RFTN1: variants seen among roughly 807,000 people sequenced by gnomAD.
The protein encoded by RFTN1 is raftlin, lipid raft linker 1.
RFTN1 carries 26 observed loss-of-function variants against 46.5 expected under a neutral mutation model. The ratio of observed to expected loss-of-function variants is 0.56; its 90% confidence interval spans 0.41 to 0.78. The LOEUF is 0.78. RFTN1 is among the 30% of genes least tolerant of loss of function. The pLI is 0.00. For synonymous variants in RFTN1, 261 were observed against 284.2 expected, an observed-to-expected ratio of 0.92 and a Z score of 0.82; for missense variants, 693 against 718.7, an observed-to-expected ratio of 0.96 and a Z score of 0.41.
intron 1 of RFTN1, among the ~76,000 whole-genome samples, chr3:16,508,510 A>G (rs1327065627): frequency 1.3e-5 from 2 of 152,222 alleles, no homozygotes; most frequent in African/African-American, 4.8e-5. Context: ...TCTTATTTGG[A>G]GAGCAAGGAA....
At chr3:16,396,419 C>T (rs982592255) in intron 4 of RFTN1, among the ~76,000 whole-genome samples, 1 of 152,192 alleles carries the variant, frequency 6.6e-6, no homozygotes, top group Non-Finnish European at 1.5e-5. Flanking sequence ...ATCCAGACAG[C>T]ACAGCAAATT....
intron 3 of RFTN1, among the ~76,000 whole-genome samples, chr3:16,432,243 C>A (rs73144385): frequency 6.6e-6 from 1 of 152,064 alleles, no homozygotes; most frequent in African/African-American, 2.4e-5. Flanking sequence ...ATGGACTGGG[C>A]GTGGTGGCTC....
At chr3:16,438,982 AC>A (rs950153890) in intron 2 of RFTN1, among the ~76,000 whole-genome samples, 24 of 152,346 alleles carry the variant, frequency 1.6e-4, no homozygotes, top group East Asian at 7.7e-4. Flanking sequence ...CCTGAAAAAA[AC>A]ATAATACCTT....
chr3:16,401,858 A>T (rs1420040384), intron 4 of RFTN1, among the ~76,000 whole-genome samples: 1 of 152,230 alleles, frequency 6.6e-6, no homozygotes, highest in African/African-American at 2.4e-5. Flanking sequence ...TTTTGGGTCC[A>T]TATTTCCACC....
Position 16,400,255 on chromosome 3 carries a change from A to G in RFTN1, c.441+9120T>C, listed in dbSNP as rs2074568995. On this transcript the variant is annotated intron_variant, in intron 4 of 9. Coordinates refer to ENST00000334133, the MANE Select transcript of RFTN1 (RefSeq NM_015150.2). The surrounding 1 kb of genome is among the most constrained non-coding windows in gnomAD (Gnocchi z 4.5). Reference sequence around the variant, plus strand: ...AACTCCCTTCTGCTCCTCAAACCAAACTTACTCCCTCCCACCTTGGCTTTG... The same window carrying G: ...AACTCCCTTCTGCTCCTCAAACCAAGCTTACTCCCTCCCACCTTGGCTTTG... 6.6e-6 allele frequency among the ~76,000 whole-genome samples: 1 copy of G among 151,892 alleles called. No individual in the cohort carries two copies. Among genetic ancestry groups the G allele is most frequent in the East Asian group, 1.9e-4 (1 of 5,196 alleles).
At chr3:16,420,766 C>CTA (rs1160351396) in intron 3 of RFTN1, among the ~76,000 whole-genome samples, 1 of 152,208 alleles carries the variant, frequency 6.6e-6, no homozygotes, top group Non-Finnish European at 1.5e-5. Context: ...ATTTAAATGG[C>CTA]TATACATGGC....
chr3:16,408,422 G>A (rs542887849), intron 4 of RFTN1, among the ~76,000 whole-genome samples: 18 of 152,116 alleles, frequency 1.2e-4, no homozygotes, highest in Middle Eastern at 6.8e-3. Context: ...CTAATTGGCT[G>A]ATTGGACCTC....
intron 6 of RFTN1, among the ~76,000 whole-genome samples, chr3:16,358,813 A>C (rs1446432405): frequency 6.6e-6 from 1 of 151,996 alleles, no homozygotes; most frequent in Admixed American, 6.6e-5. Context: ...AGGAGGATTC[A>C]CTGAGCTCAG....
intron 2 of RFTN1, among the ~76,000 whole-genome samples, chr3:16,477,917 A>C (rs1435144325): frequency 6.6e-6 from 1 of 152,276 alleles, no homozygotes; most frequent in Non-Finnish European, 1.5e-5. Flanking sequence ...TCTGCTCAAC[A>C]GGCCCATGGC....
chr3:16,500,067 A>C lies in RFTN1; in HGVS notation c.-8-6190T>G, dbSNP rs543516033. ...CTGAGGCATCAGCCCACTAGGTGGA[A>C]TCATGCCCAGCGGTGCTATTCACTG... On this transcript the variant is annotated intron_variant, in intron 1 of 9. Transcript: ENST00000334133. The surrounding 1 kb of genome is among the most constrained non-coding windows in gnomAD (Gnocchi z 5.9). Among the ~76,000 whole-genome samples, 4 of 152,328 alleles carry C rather than the reference A, an allele frequency of 2.6e-5. No homozygotes were observed. The highest frequency in any genetic ancestry group is 9.6e-5 in the African/African-American group (4 of 41,572).
chr3:16,339,186 A>T (rs890730676), intron 7 of RFTN1: 4 of 152,240 alleles, frequency 2.6e-5, no homozygotes, highest in Non-Finnish European at 5.9e-5. Flanking sequence ...AAGGTGCCAC[A>T]TTCTCAAGCC....
In RFTN1 at chr3:16,336,252, TCA is replaced by T. The variant is rs1291359967; in HGVS notation, c.1147-9378_1147-9377del. ...TGGTATCACTGTTCATTCATGAATC[TCA>T]CATTCAGTCAGCCTGGCTCTGTCTG... On this transcript the variant is annotated intron_variant, in intron 7 of 9. Coordinates refer to ENST00000334133, the MANE Select transcript of RFTN1 (RefSeq NM_015150.2). This position sits in a 1 kb window ranked among gnomAD's most constrained non-coding sequence, Gnocchi z 6.0. Among the ~76,000 whole-genome samples, 1 of 152,260 alleles carries T rather than the reference TCA, an allele frequency of 6.6e-6. No homozygotes were observed. The highest frequency in any genetic ancestry group is 1.5e-5 in the Non-Finnish European group (1 of 68,046).
intron 2 of RFTN1, among the ~76,000 whole-genome samples, chr3:16,488,704 G>A (rs1324558011): frequency 6.6e-6 from 1 of 152,180 alleles, no homozygotes; most frequent in Non-Finnish European, 1.5e-5. Flanking sequence ...CAAGATTCTA[G>A]AATTCTATAT....
rs953609404 is a variant in RFTN1, at chr3:16,475,437, G to C, written c.145+18288C>G. Among the ~76,000 whole-genome samples, 3 of 152,200 alleles carry C rather than the reference G, an allele frequency of 2.0e-5. No individual in the cohort carries two copies. The highest frequency in any genetic ancestry group is 4.4e-5 in the Non-Finnish European group (3 of 68,038). On this transcript the variant is annotated intron_variant, in intron 2 of 9. Transcript: ENST00000334133. The surrounding 1 kb of genome is among the most constrained non-coding windows in gnomAD (Gnocchi z 4.2). The stretch of plus-strand genomic sequence containing the variant: ...ACACTGCAATGGTTTTACTGAACTA[G>C]AAGTTGAGATTGCCCCTTGGCTATT...
chr3:16,478,814 G>T (rs2076322515), intron 2 of RFTN1, among the ~76,000 whole-genome samples: 1 of 152,204 alleles, frequency 6.6e-6, no homozygotes, highest in Admixed American at 6.5e-5. Context: ...GCCTCCCTCA[G>T]TTCCTTGCCA....
Position 16,327,253 on chromosome 3 carries a change from A to G in RFTN1, c.1147-377T>C, listed in dbSNP as rs1308799630. 6.6e-6 allele frequency among the ~76,000 whole-genome samples: 1 copy of G among 152,194 alleles called. No individual in the cohort carries two copies. Among genetic ancestry groups the G allele is most frequent in the Non-Finnish European group, 1.5e-5 (1 of 68,036 alleles). On this transcript the variant is annotated intron_variant, in intron 7 of 9. Coordinates refer to ENST00000334133, the MANE Select transcript of RFTN1 (RefSeq NM_015150.2). The surrounding 1 kb of genome is among the most constrained non-coding windows in gnomAD (Gnocchi z 4.2). ...TACACGTGCTGCTCTGAATGAGTTCAGAGCGTGTTGTGGGGAGTTAACTTA... is the reference window on the plus strand; with the variant it reads ...TACACGTGCTGCTCTGAATGAGTTCGGAGCGTGTTGTGGGGAGTTAACTTA...
chr3:16,379,652 T>C (rs1000536484), intron 4 of RFTN1, among the ~76,000 whole-genome samples: 7 of 152,178 alleles, frequency 4.6e-5, no homozygotes, highest in Admixed American at 6.5e-5. Context: ...TGGGCATGTA[T>C]GTGTCCACTC....
Position 16,443,154 on chromosome 3 carries a change from T to C in RFTN1, c.146-9117A>G, listed in dbSNP as rs930366504. Among the ~76,000 whole-genome samples, 5 of 152,372 alleles carry C rather than the reference T, an allele frequency of 3.3e-5. No homozygotes were observed. Among genetic ancestry groups the C allele is most frequent in the African/African-American group, 1.2e-4 (5 of 41,596 alleles). On this transcript the variant is annotated intron_variant, in intron 2 of 9. Coordinates refer to ENST00000334133, the MANE Select transcript of RFTN1 (RefSeq NM_015150.2). The surrounding 1 kb of genome is among the most constrained non-coding windows in gnomAD (Gnocchi z 5.5). The stretch of plus-strand genomic sequence containing the variant: ...ATTTTTGATGAACCTCCATATTGTT[T>C]TCTATAATGGCTGTACTAGTTTACA...
Position 16,421,748 on chromosome 3 carries a change from A to T in RFTN1, c.332+12103T>A, listed in dbSNP as rs2075191130. Among the ~76,000 whole-genome samples, 1 of 152,202 alleles carries T rather than the reference A, an allele frequency of 6.6e-6. No homozygotes were observed. The highest frequency in any genetic ancestry group is 1.5e-5 in the Non-Finnish European group (1 of 68,036). On this transcript the variant is annotated intron_variant, in intron 3 of 9. Coordinates refer to ENST00000334133, the MANE Select transcript of RFTN1 (RefSeq NM_015150.2). This position sits in a 1 kb window ranked among gnomAD's most constrained non-coding sequence, Gnocchi z 4.6. The stretch of plus-strand genomic sequence containing the variant: ...TCCACATGAGAGAGAGAAGGATTTT[A>T]CATTTACATTACGGGTATTCTCTTC...
Sources: gnomAD v4.1 joint callset for allele counts (sites outside exome capture counted in the v4.1 genomes callset) on GRCh38, gnomAD v4.1.1 for gene constraint, Gnocchi (gnomAD v3.1) non-coding constraint, MANE v1.5 for transcripts, NCBI Gene and HGNC (gene_info 2026-07-23, HGNC 2026-07-21) for gene names.